The following FRMD4B variants were observed in gnomAD, a reference collection of about 807,000 sequenced individuals.
FRMD4B encodes the protein FERM domain-containing protein 4B.
A neutral mutation model predicts 141.5 loss-of-function variants in FRMD4B; 74 were observed. The observed-to-expected ratio is 0.52, with a 90% CI of 0.43 to 0.63. The LOEUF (loss-of-function observed/expected upper bound fraction) is 0.63, where lower values mean the gene tolerates loss of function less well. FRMD4B is among the 30% of genes least tolerant of loss of function. The probability of loss-of-function intolerance (pLI) is 0.00; values close to 1 mark genes in which losing one functional copy is unlikely to be tolerated. For synonymous variants in FRMD4B, 506 were observed against 467.9 expected, an observed-to-expected ratio of 1.08 and a Z score of -1.05; for missense variants, 1,366 against 1,253.4, an observed-to-expected ratio of 1.09 and a Z score of -1.36.
chr3:69,422,254 G>T (rs577754593), intron 2 of FRMD4B, among the ~76,000 whole-genome samples: 3 of 152,008 alleles, frequency 2.0e-5, no homozygotes, highest in Admixed American at 6.6e-5. Flanking sequence ...TTAGCTGGGC[G>T]TGGTGGCATG....
At chr3:69,331,199 T>C (rs1389268966) in intron 1 of FRMD4B, among the ~76,000 whole-genome samples, 1 of 152,222 alleles carries the variant, frequency 6.6e-6, no homozygotes, top group Non-Finnish European at 1.5e-5. Flanking sequence ...AAAGCGTTGG[T>C]GCTTCTGGTA....
At chr3:69,487,516 C>T (rs1359807367) in intron 1 of FRMD4B, among the ~76,000 whole-genome samples, 1 of 152,192 alleles carries the variant, frequency 6.6e-6, no homozygotes, top group African/African-American at 2.4e-5. Context: ...GGAGACTCCA[C>T]TATCTTAGGA....
chr3:69,270,569 C>CTTTTTTTTTTTTTTT (rs57693333), intron 5 of FRMD4B, among the ~76,000 whole-genome samples: 1 of 144,802 alleles, frequency 6.9e-6, no homozygotes, highest in Non-Finnish European at 1.5e-5. Context: ...TTCTTTTTTT[C>CTTTTTTTTTTTTTTT]TTTTTTTTTT....
At chr3:69,508,390 G>A (rs989908989) in intron 1 of FRMD4B, among the ~76,000 whole-genome samples, 5 of 152,030 alleles carry the variant, frequency 3.3e-5, no homozygotes, top group East Asian at 1.9e-4. Flanking sequence ...GGTTTCAATC[G>A]CATAACAGGC....
rs1559724064 is a variant in FRMD4B at position 69,215,282 on chromosome 3, C to CTTTTTTTTTTTTTT, written c.876+980_876+981insAAAAAAAAAAAAAA. 7.2e-4 allele frequency among the ~76,000 whole-genome samples: 27 copies of CTTTTTTTTTTTTTT among 37,490 alleles called. 2 individuals are homozygous for CTTTTTTTTTTTTTT. The East Asian group carries it at 8.9e-3, about 12-fold the overall frequency. The allele number at this position is 37,490 out of a possible 152,430, so 24.6% of individuals were successfully genotyped here. A position where few individuals can be genotyped will look rare whatever the true frequency, so the allele number is the denominator to read the frequency against. ...AATCCAAATCTGATAGATTGTGACC[C>CTTTTTTTTTTTTTT]TCTTTTTTTTTTTTTTTTTTTTTTT... On this transcript the variant is annotated intron_variant, in intron 11 of 22. Transcript: ENST00000398540.
chr3:69,415,754 A>G (rs1468696808), intron 2 of FRMD4B, among the ~76,000 whole-genome samples: 1 of 152,120 alleles, frequency 6.6e-6, no homozygotes, highest in Non-Finnish European at 1.5e-5. Context: ...GATCTTTTCC[A>G]TGGGGCTGTG....
chr3:69,194,973 G>A (rs766684632), intron 16 of FRMD4B, 49 bp downstream of exon 16: 29 of 1,561,292 alleles, frequency 1.9e-5, no homozygotes, highest in Non-Finnish European at 2.4e-5. Flanking sequence ...CACTCAGACA[G>A]CTTTCCTGTC....
chr3:69,226,512 G>A (rs72929552), intron 7 of FRMD4B, among the ~76,000 whole-genome samples: 6,666 of 150,592 alleles, frequency 0.044, 492 homozygotes, highest in African/African-American at 0.15. Context: ...ATGCATGCAT[G>A]TATTCAAAAA....
At chr3:69,346,962 A>T (rs567448354) in intron 1 of FRMD4B, among the ~76,000 whole-genome samples, 5 of 152,350 alleles carry the variant, frequency 3.3e-5, no homozygotes, top group Non-Finnish European at 7.3e-5. Context: ...TAATGACAGG[A>T]TCAAATTCAC....
chr3:69,276,391 G>A (rs1269493629), intron 5 of FRMD4B, among the ~76,000 whole-genome samples: 1 of 152,028 alleles, frequency 6.6e-6, no homozygotes, highest in Non-Finnish European at 1.5e-5. Flanking sequence ...GCCCACCTCA[G>A]CCTCCTGAGT....
At chr3:69,284,573 T>C (rs1032688054) in intron 5 of FRMD4B, among the ~76,000 whole-genome samples, 1 of 151,778 alleles carries the variant, frequency 6.6e-6, no homozygotes, top group Non-Finnish European at 1.5e-5. Flanking sequence ...CTAAACTGCA[T>C]CCCAAAACCA....
chr3:69,308,511 C>T (rs533469372), intron 3 of FRMD4B, among the ~76,000 whole-genome samples: 1 of 150,752 alleles, frequency 6.6e-6, no homozygotes, highest in Admixed American at 6.6e-5. Context: ...GATCATGGCT[C>T]ACTGCAACCT....
intron 1 of FRMD4B, among the ~76,000 whole-genome samples, chr3:69,362,787 G>A (rs1170253106): frequency 2.0e-5 from 3 of 151,364 alleles, no homozygotes; most frequent in South Asian, 4.2e-4. Flanking sequence ...AAAGAACTGT[G>A]AATTTTAAAC....
intron 1 of FRMD4B, among the ~76,000 whole-genome samples, chr3:69,451,842 G>A (rs1705506844): frequency 2.0e-5 from 3 of 152,196 alleles, no homozygotes. Context: ...CAGCTGTTAT[G>A]AGGATGCATA....
chr3:69,447,058 G>C (rs1245351214), intron 1 of FRMD4B, among the ~76,000 whole-genome samples: 1 of 152,104 alleles, frequency 6.6e-6, no homozygotes, highest in Non-Finnish European at 1.5e-5. Context: ...TTCAGTATAG[G>C]GGTGGTTCAT....
chr3:69,288,897 T>C (rs191748439), intron 4 of FRMD4B, among the ~76,000 whole-genome samples: 201 of 152,354 alleles, frequency 1.3e-3, no homozygotes, highest in Non-Finnish European at 1.7e-3. Flanking sequence ...TCCACAGTGA[T>C]GATACCTTTG....
chr3:69,333,247 G>T (rs868214190), intron 1 of FRMD4B, among the ~76,000 whole-genome samples: 41 of 152,256 alleles, frequency 2.7e-4, no homozygotes, highest in African/African-American at 4.3e-4. Context: ...AAAATCTCTG[G>T]TTTTTTTGGC....
chr3:69,499,383 G>A lies in FRMD4B; in HGVS notation c.-129+42823C>T, dbSNP rs139972912. Among the ~76,000 whole-genome samples, 28 of 152,276 alleles carry A rather than the reference G, an allele frequency of 1.8e-4. No homozygotes were observed. In the East Asian group the frequency reaches 5.2e-3, roughly 28 times the overall value. On this transcript the variant is annotated intron_variant, in intron 1 of 5. Transcript: ENST00000459638. ...AGAGTGCATGAAAAACAACAGCTGA[G>A]GAGAAAGGCTGTTGGTTTGGACCAT...
At chr3:69,506,035 G>A (rs1706589729) in intron 1 of FRMD4B, among the ~76,000 whole-genome samples, 1 of 152,144 alleles carries the variant, frequency 6.6e-6, no homozygotes, top group Non-Finnish European at 1.5e-5. Flanking sequence ...CTGAATGCTG[G>A]TGAATAGGAT....
Sources: gnomAD v4.1 joint callset for allele counts (sites outside exome capture counted in the v4.1 genomes callset) on GRCh38, gnomAD v4.1.1 for gene constraint, MANE v1.5 for transcripts, NCBI Gene and HGNC (gene_info 2026-07-23, HGNC 2026-07-21) for gene names.